The following ATE1 variants were observed in gnomAD, a reference collection of about 807,000 sequenced individuals.
ATE1 encodes the protein arginyl-tRNA--protein transferase 1.
A neutral mutation model predicts 70.5 loss-of-function variants in ATE1; 36 were observed. The observed-to-expected ratio is 0.51, with a 90% CI of 0.39 to 0.67. The LOEUF (loss-of-function observed/expected upper bound fraction) is 0.67. ATE1 is among the 30% of genes least tolerant of loss of function. ATE1 has a pLI of 0.00. For synonymous variants in ATE1, 232 were observed against 219.3 expected (o/e 1.06, Z -0.51); for missense variants, 593 against 629.5 (o/e 0.94, Z 0.62).
At chr10:121,802,649 C>A (rs1946936516) in intron 10 of ATE1, among the ~76,000 whole-genome samples, 1 of 152,228 alleles carries the variant, frequency 6.6e-6, no homozygotes, top group East Asian at 1.9e-4. Flanking sequence ...ACTGCCTACT[C>A]TTACTTTACC....
intron 8 of ATE1, among the ~76,000 whole-genome samples, chr10:121,863,015 A>G (rs1320512493): frequency 1.3e-5 from 2 of 152,096 alleles, no homozygotes; most frequent in African/African-American, 2.4e-5. Flanking sequence ...AGTGTTGTTC[A>G]TGCTTCCTAT....
intron 7 of ATE1, among the ~76,000 whole-genome samples, chr10:121,871,785 T>C (rs562457011): frequency 3.1e-4 from 47 of 152,328 alleles, no homozygotes; most frequent in Non-Finnish European, 6.6e-4. Context: ...AATTTTTTCT[T>C]AATTTAAATA....
chr10:121,914,343 G>A (rs985914470), intron 3 of ATE1, among the ~76,000 whole-genome samples: 2 of 151,670 alleles, frequency 1.3e-5, no homozygotes, highest in Admixed American at 1.3e-4. Flanking sequence ...GGGATTACGT[G>A]CATGAGCCAC....
At chr10:121,812,635 T>C (rs1352594688) in intron 10 of ATE1, among the ~76,000 whole-genome samples, 1 of 152,186 alleles carries the variant, frequency 6.6e-6, no homozygotes, top group East Asian at 1.9e-4. Context: ...TTAATAAAAA[T>C]GTTATTGAAG....
intron 10 of ATE1, among the ~76,000 whole-genome samples, chr10:121,821,301 G>GC (rs752743827): frequency 2.8e-4 from 43 of 152,262 alleles, no homozygotes; most frequent in Admixed American, 7.2e-4. Flanking sequence ...AGACACAAAA[G>GC]CATTACCATA....
intron 10 of ATE1, among the ~76,000 whole-genome samples, chr10:121,811,951 C>CTTTTTTTTTTTT (rs71022870): frequency 1.3e-5 from 1 of 74,746 alleles, no homozygotes; most frequent in Non-Finnish European, 2.4e-5. Flanking sequence ...ATTCCAAATT[C>CTTTTTTTTTTTT]TTTTTTTTTT....
chr10:121,897,796 A>C (rs1289518480), intron 7 of ATE1, among the ~76,000 whole-genome samples: 2 of 150,456 alleles, frequency 1.3e-5, no homozygotes, highest in Non-Finnish European at 3.0e-5. Flanking sequence ...ACTGCACTCC[A>C]GCCTGGCAAC....
intron 8 of ATE1, among the ~76,000 whole-genome samples, chr10:121,867,758 C>A (rs1358299041): frequency 6.6e-6 from 1 of 152,158 alleles, no homozygotes; most frequent in African/African-American, 2.4e-5. Flanking sequence ...TTGCATCGTG[C>A]TTTTACCTCT....
intron 1 of ATE1, chr10:121,927,411 T>C: frequency 1.0e-6 from 1 of 984,938 alleles, no homozygotes; most frequent in Non-Finnish European, 1.2e-6. Flanking sequence ...GAAGTCTGAT[T>C]CATACATGAC....
At chr10:121,799,726 C>G (rs1946802501) in intron 10 of ATE1, among the ~76,000 whole-genome samples, 1 of 152,136 alleles carries the variant, frequency 6.6e-6, no homozygotes, top group Non-Finnish European at 1.5e-5. Flanking sequence ...AAATTTATTG[C>G]CAGTAAGTGT....
chr10:121,902,237 A>G lies in ATE1; in HGVS notation c.813+154T>C, dbSNP rs1450532195. Among the ~76,000 whole-genome samples the G allele has an allele frequency of 3.3e-5, 5 of 152,332 alleles. No individual in the cohort carries two copies. The South Asian group carries it at 1.0e-3, about 32-fold the overall frequency. Reference sequence around the variant, plus strand: ...AACAGCAGTTAACTTAGTAAATACAAATGTTACTTCTTCCCAGTTCTCTTT... The same window carrying G: ...AACAGCAGTTAACTTAGTAAATACAGATGTTACTTCTTCCCAGTTCTCTTT... On this transcript the variant is annotated intron_variant, in intron 6 of 11. Coordinates refer to ENST00000224652, the MANE Select transcript of ATE1 (RefSeq NM_001001976.3).
At chr10:121,922,553 C>T (rs1006221339) in intron 2 of ATE1, 142 bp from the exon 3 acceptor site, 3 of 603,910 alleles carry the variant, frequency 5.0e-6, no homozygotes, top group Non-Finnish European at 8.9e-6. Context: ...TCTTCATAAG[C>T]CAAATAATCT....
intron 1 of ATE1, chr10:121,926,646 C>G (rs1037280165): frequency 1.8e-5 from 15 of 842,746 alleles, no homozygotes; most frequent in Non-Finnish European, 2.0e-5. Context: ...TTTAATGTAA[C>G]TTATTGATTT....
At chr10:121,869,321 C>T (rs1244884329) in intron 8 of ATE1, among the ~76,000 whole-genome samples, 1 of 152,216 alleles carries the variant, frequency 6.6e-6, no homozygotes, top group Non-Finnish European at 1.5e-5. Flanking sequence ...AACTCTGCTT[C>T]CACCCTTTCT....
intron 7 of ATE1, among the ~76,000 whole-genome samples, chr10:121,884,412 C>T (rs1950317714): frequency 6.6e-6 from 1 of 151,822 alleles, no homozygotes. Flanking sequence ...CCAGGCTGGG[C>T]AACACAGCAA....
At chr10:121,787,283 C>T (rs1024400049) in intron 11 of ATE1, among the ~76,000 whole-genome samples, 4 of 152,256 alleles carry the variant, frequency 2.6e-5, no homozygotes, top group Non-Finnish European at 4.4e-5. Context: ...ACAATTATTG[C>T]CCATATTAAG....
intron 7 of ATE1, among the ~76,000 whole-genome samples, chr10:121,889,095 C>T (rs1333575771): frequency 1.3e-5 from 2 of 152,116 alleles, no homozygotes; most frequent in Non-Finnish European, 2.9e-5. Context: ...CTCACGGCAA[C>T]CTCTGCGTCC....
intron 1 of ATE1, chr10:121,927,185 A>G (rs1312832773): frequency 1.0e-6 from 1 of 985,320 alleles, no homozygotes; most frequent in African/African-American, 1.7e-5. Flanking sequence ...TGGAAAAACA[A>G]AACAAACTTG....
At chr10:121,812,284 G>A (rs7089249) in intron 10 of ATE1, among the ~76,000 whole-genome samples, 149,711 of 152,254 alleles carry the variant, frequency 0.98, 73,655 homozygotes, top group Middle Eastern at 1. Context: ...ATGTAGCCAC[G>A]GTATGTTGAC....
Sources: allele counts gnomAD v4.1 joint callset (sites outside exome capture counted in the v4.1 genomes callset), GRCh38; gene constraint gnomAD v4.1.1; transcripts MANE v1.5; gene names NCBI Gene and HGNC (gene_info 2026-07-23, HGNC 2026-07-21).